The following SLC36A4 variants were observed in gnomAD, a reference collection of about 807,000 sequenced individuals.
SLC36A4 encodes solute carrier family 36 member 4, also known as neutral amino acid uniporter 4.
Under a neutral mutation model 50.5 loss-of-function variants are expected in SLC36A4, and 49 were observed. The observed-to-expected ratio is 0.97, with a 90% CI of 0.77 to 1.23. The LOEUF is 1.23. Ranked by LOEUF, SLC36A4 falls within the 50% of genes most tolerant of loss-of-function variation. The probability of loss-of-function intolerance (pLI) is 0.00; values close to 1 mark genes in which losing one functional copy is unlikely to be tolerated. For missense variants in SLC36A4, 611 were observed against 608.4 expected, an observed-to-expected ratio of 1.00 and a Z score of -0.05; for synonymous variants, 207 against 206.5, an observed-to-expected ratio of 1.00 and a Z score of -0.02.
At chr11:93,175,555 GATC>G (rs1163497032) in intron 6 of SLC36A4, among the ~76,000 whole-genome samples, 2 of 135,726 alleles carry the variant, frequency 1.5e-5, no homozygotes, top group Non-Finnish European at 3.3e-5. Context: ...GTCAATTTTG[GATC>G]TTTCCTGCTT....
At chr11:93,149,051 C>T (rs956697476) in intron 10 of SLC36A4, among the ~76,000 whole-genome samples, 1 of 151,972 alleles carries the variant, frequency 6.6e-6, no homozygotes, top group African/African-American at 2.4e-5. Flanking sequence ...AGTGACATGT[C>T]CTAGACTTAC....
In SLC36A4 at chr11:93,162,885, G is replaced by T. The variant is rs1254515207; in HGVS notation, c.868-10C>A. On this transcript the variant is annotated splice_polypyrimidine_tract_variant and intron_variant, in intron 8 of 10. Transcript: ENST00000326402. ...TTTCCAGTGGAAGGACCTAAGAAAA[G>T]AATACAATACTTTTTTTTAAGGGAA... 2 of 1,607,696 alleles carry T rather than the reference G, an allele frequency of 1.2e-6. No individual in the cohort carries two copies. Among genetic ancestry groups the T allele is most frequent in the Non-Finnish European group, 8.5e-7 (1 of 1,177,484 alleles).
At chr11:93,189,799 T>C (rs1862139144) in intron 1 of SLC36A4, among the ~76,000 whole-genome samples, 1 of 152,140 alleles carries the variant, frequency 6.6e-6, no homozygotes, top group African/African-American at 2.4e-5. Context: ...AAATGGTAAG[T>C]TTTTTCATAT....
Position 93,181,719 on chromosome 11 carries a change from A to C in SLC36A4, c.427T>G (p.Cys143Gly). The change falls in exon 5 of 11, where the codon TGT becomes GGT. Residue 143 changes from cysteine (C) to glycine (G), a missense_variant. Physicochemically the swap from Cys to Gly is radical, Grantham distance 159. Coordinates refer to ENST00000326402, the MANE Select transcript of SLC36A4 (RefSeq NM_152313.4). ...SFAMEVSPWS[C>G]LQKQAAWGRS... Reference sequence around the variant, plus strand: ...CCCCATGCTGCTTGCTTCTGAAGACAACTCCAAGGACTCACTTCCATAGCA... The same window carrying C: ...CCCCATGCTGCTTGCTTCTGAAGACCACTCCAAGGACTCACTTCCATAGCA... 1 of 1,540,540 alleles carries C rather than the reference A, an allele frequency of 6.5e-7. No individual in the cohort carries two copies. Among genetic ancestry groups the C allele is most frequent in the Non-Finnish European group, 8.8e-7 (1 of 1,137,596 alleles).
At position 93,185,380 on chromosome 11, in the gene SLC36A4, A is replaced by G. The variant is rs79559683; in HGVS notation, c.179+311T>C. 27 of 202,206 alleles carry G rather than the reference A, an allele frequency of 1.3e-4. No homozygotes were observed. The East Asian group carries it at 2.6e-3, about 20-fold the overall frequency. The allele number at this position is 202,206 out of a possible 1,614,324, so 12.5% of individuals were successfully genotyped here. The stretch of plus-strand genomic sequence containing the variant: ...TCTACCTCCACGACTTTGTTTCAGT[A>G]TAAAGAAGCATGTACTACCTCCTGA... On this transcript the variant is annotated intron_variant, in intron 2 of 10. Coordinates refer to ENST00000326402, the MANE Select transcript of SLC36A4 (RefSeq NM_152313.4).
chr11:93,181,520 G>C (rs1439723116), intron 5 of SLC36A4, among the ~76,000 whole-genome samples, 171 bp downstream of exon 5: 4 of 152,036 alleles, frequency 2.6e-5, no homozygotes, highest in Non-Finnish European at 5.9e-5. Context: ...AGGTCAGAAA[G>C]CTGAAAAATG....
In SLC36A4 at chr11:93,145,004, G is replaced by A. The variant is rs1859820411; in HGVS notation, c.*3533C>T. The stretch of plus-strand genomic sequence containing the variant: ...TATTTCAAATCTTCTCCTTTTAAAT[G>A]AAGAAAGAAGTGAGGTCAAGACCTA... On this transcript the variant is annotated 3_prime_UTR_variant, in exon 11 of 11. Transcript: ENST00000326402. The A allele has an allele frequency of 6.6e-6, 1 of 151,914 alleles. No homozygotes were observed. The highest frequency in any genetic ancestry group is 1.5e-5 in the Non-Finnish European group (1 of 67,928). 9.4% of individuals were successfully genotyped at this position (151,914 alleles called of 1,614,324 possible).
At chr11:93,196,834 T>C (rs1421235945) in intron 1 of SLC36A4, among the ~76,000 whole-genome samples, 1 of 152,200 alleles carries the variant, frequency 6.6e-6, no homozygotes, top group African/African-American at 2.4e-5. Flanking sequence ...ATCTATAAAA[T>C]GGAAATCATG....
chr11:93,159,864 A>G (rs1256919223), intron 9 of SLC36A4: 2 of 985,126 alleles, frequency 2.0e-6, no homozygotes, highest in Non-Finnish European at 2.4e-6. Flanking sequence ...ACCCTAATAT[A>G]CTCTGAGACT....
At chr11:93,157,112 A>G (rs1221303660) in intron 9 of SLC36A4, among the ~76,000 whole-genome samples, 1 of 152,074 alleles carries the variant, frequency 6.6e-6, no homozygotes, top group African/African-American at 2.4e-5. Context: ...TCCTTTCCCC[A>G]TTGCTTGTTT....
rs891761728 is a variant in SLC36A4 at position 93,144,495 on chromosome 11, T to TTG, written c.*4040_*4041dup. Reference sequence around the variant, plus strand: ...TATCTAGTTCACATAGATTACTGATTTGTGTGTGTGTCTGCATATACTTGT... The same window carrying TTG: ...TATCTAGTTCACATAGATTACTGATTTGTGTGTGTGTGTCTGCATATACTTGT... On this transcript the variant is annotated 3_prime_UTR_variant, in exon 11 of 11. Coordinates refer to ENST00000326402, the MANE Select transcript of SLC36A4 (RefSeq NM_152313.4). 3 of 152,010 alleles carry TTG rather than the reference T, an allele frequency of 2.0e-5. No individual in the cohort carries two copies. Among genetic ancestry groups the TTG allele is most frequent in the African/African-American group, 7.2e-5 (3 of 41,420 alleles). 9.4% of individuals were successfully genotyped at this position (152,010 alleles called of 1,614,324 possible). A position where few individuals can be genotyped will look rare whatever the true frequency, so the allele number is the denominator to read the frequency against.
chr11:93,177,970 G>A (rs1390313391), intron 6 of SLC36A4, among the ~76,000 whole-genome samples: 8 of 152,164 alleles, frequency 5.3e-5, no homozygotes, highest in African/African-American at 1.9e-4. Context: ...TGCCCCCAGA[G>A]GTGGAGTCTA....
At chr11:93,197,734 C>A in intron 1 of SLC36A4, 44 bp downstream of exon 1, 1 of 1,569,940 alleles carries the variant, frequency 6.4e-7, no homozygotes, top group East Asian at 2.4e-5. Context: ...GCACAGACCC[C>A]CGCCCACGTC....
At chr11:93,188,775 CT>C (rs1565239530) in intron 1 of SLC36A4, among the ~76,000 whole-genome samples, 1 of 152,056 alleles carries the variant, frequency 6.6e-6, no homozygotes, top group Admixed American at 6.6e-5. Context: ...TCTTGTAAAC[CT>C]ATCACATTGG....
chr11:93,194,877 T>C (rs140937644), intron 1 of SLC36A4, among the ~76,000 whole-genome samples: 1 of 152,320 alleles, frequency 6.6e-6, no homozygotes, highest in East Asian at 1.9e-4. Context: ...CTTTGATATC[T>C]AATGGACATC....
chr11:93,156,455 TG>T (rs1185202286), intron 9 of SLC36A4, among the ~76,000 whole-genome samples: 4 of 151,622 alleles, frequency 2.6e-5, no homozygotes, highest in Non-Finnish European at 5.9e-5. Context: ...AGTCTCACTC[TG>T]TTGCCCAGGC....
At chr11:93,151,869 A>G (rs1267405109) in intron 10 of SLC36A4, among the ~76,000 whole-genome samples, 1 of 152,028 alleles carries the variant, frequency 6.6e-6, no homozygotes. Context: ...GTAATGGCTC[A>G]TAGTACAGGT....
intron 6 of SLC36A4, among the ~76,000 whole-genome samples, chr11:93,176,809 G>A (rs934642354): frequency 2.0e-5 from 3 of 152,274 alleles, no homozygotes; most frequent in South Asian, 2.1e-4. Context: ...AGTTTCTGCC[G>A]AGAGATCCAC....
chr11:93,192,449 AT>A (rs1694436385), intron 1 of SLC36A4, among the ~76,000 whole-genome samples: 1 of 152,162 alleles, frequency 6.6e-6, no homozygotes. Context: ...CTTGTAGACC[AT>A]TCTACGTGAC....
Sources: allele counts gnomAD v4.1 joint callset (sites outside exome capture counted in the v4.1 genomes callset), GRCh38; gene constraint gnomAD v4.1.1; transcripts MANE v1.5; gene names NCBI Gene and HGNC (gene_info 2026-07-23, HGNC 2026-07-21).